KGD4: variants seen among roughly 807,000 people sequenced by gnomAD.
The protein encoded by KGD4 is alpha-ketoglutarate dehydrogenase component 4.
At chr5:69,221,820 C>G in the KGD4 span, among the ~76,000 whole-genome samples, 1 of 151,474 alleles carries the variant, frequency 6.6e-6, no homozygotes, top group Non-Finnish European at 1.5e-5. Flanking sequence ...AAAAGGCAAG[C>G]CACATATTGG....
the KGD4 span, among the ~76,000 whole-genome samples, chr5:69,223,300 C>T: frequency 1.8e-4 from 27 of 147,710 alleles, no homozygotes; most frequent in African/African-American, 6.5e-4. Context: ...AGAATGGTCT[C>T]GATCTCCTGA....
chr5:69,220,625 G>A, the KGD4 span, among the ~76,000 whole-genome samples: 4 of 151,938 alleles, frequency 2.6e-5, no homozygotes, highest in African/African-American at 7.3e-5. Flanking sequence ...CTGCCTGGCC[G>A]CAGTGCAATC....
chr5:69,228,696 T>C, the KGD4 span, among the ~76,000 whole-genome samples: 1 of 151,920 alleles, frequency 6.6e-6, no homozygotes, highest in African/African-American at 2.4e-5. Flanking sequence ...CAACCTTGAG[T>C]CCCTTCCAGG....
At chr5:69,227,083 G>C in the KGD4 span, among the ~76,000 whole-genome samples, 1 of 152,036 alleles carries the variant, frequency 6.6e-6, no homozygotes, top group African/African-American at 2.4e-5. Context: ...TGTTGCCTAG[G>C]CTGGTCTCGA....
At chr5:69,220,582 G>A in the KGD4 span, among the ~76,000 whole-genome samples, 1 of 151,692 alleles carries the variant, frequency 6.6e-6, no homozygotes, top group African/African-American at 2.4e-5. Flanking sequence ...CCTCTGCCCG[G>A]CCGCCACCCC....
chr5:69,224,596 C>CA, the KGD4 span, among the ~76,000 whole-genome samples: 1 of 151,866 alleles, frequency 6.6e-6, no homozygotes, highest in Non-Finnish European at 1.5e-5. Flanking sequence ...AAATAACACT[C>CA]AAAACAAGTC....
chr5:69,226,541 G>T, the KGD4 span: 4 of 612,662 alleles, frequency 6.5e-6, no homozygotes, highest in South Asian at 9.9e-5. Flanking sequence ...GCCTTATGTA[G>T]CATGCAAGTA....
the KGD4 span, among the ~76,000 whole-genome samples, chr5:69,222,372 C>T: frequency 6.6e-6 from 1 of 151,976 alleles, no homozygotes; most frequent in Non-Finnish European, 1.5e-5. Flanking sequence ...AGGACGTAAG[C>T]TGTAGATGGA....
the KGD4 span, among the ~76,000 whole-genome samples, chr5:69,220,534 G>A: frequency 9.9e-5 from 15 of 151,594 alleles, no homozygotes; most frequent in African/African-American, 2.9e-4. Context: ...AGTGAGGAGC[G>A]CCTCTGCCCG....
At chr5:69,223,699 A>G in the KGD4 span, among the ~76,000 whole-genome samples, 1 of 152,168 alleles carries the variant, frequency 6.6e-6, no homozygotes, top group African/African-American at 2.4e-5. Flanking sequence ...CTGTACCACT[A>G]TCTGGAATTT....
the KGD4 span, among the ~76,000 whole-genome samples, chr5:69,222,889 C>T: frequency 6.6e-6 from 1 of 151,088 alleles, no homozygotes; most frequent in Non-Finnish European, 1.5e-5. Context: ...CAATTTTCTG[C>T]CTTAGCCTCC....
chr5:69,226,015 G>A, the KGD4 span, among the ~76,000 whole-genome samples: 6 of 152,336 alleles, frequency 3.9e-5, no homozygotes, highest in East Asian at 1.2e-3. Flanking sequence ...ACAGGCATAA[G>A]CCACTGCACC....
At chr5:69,222,176 A>AGG in the KGD4 span, among the ~76,000 whole-genome samples, 1 of 151,978 alleles carries the variant, frequency 6.6e-6, no homozygotes, top group Non-Finnish European at 1.5e-5. Context: ...CCAGGAGCTT[A>AGG]GTGCTCTTCT....
the KGD4 span, among the ~76,000 whole-genome samples, chr5:69,228,860 C>G: frequency 6.6e-6 from 1 of 151,654 alleles, no homozygotes; most frequent in Non-Finnish European, 1.5e-5. Flanking sequence ...ACTGAAAATA[C>G]AAAAATTAGC....
the KGD4 span, among the ~76,000 whole-genome samples, chr5:69,229,055 T>C: frequency 2.2e-5 from 3 of 138,476 alleles, no homozygotes. Context: ...AAAGAATTGA[T>C]ATGAGTACCC....
At chr5:69,229,121 G>C in the KGD4 span, 4 of 1,115,192 alleles carry the variant, frequency 3.6e-6, no homozygotes, top group Non-Finnish European at 5.4e-6. Flanking sequence ...ACTTACTGAA[G>C]ATTGTATAAA....
the KGD4 span, among the ~76,000 whole-genome samples, chr5:69,219,463 G>A: frequency 1.4e-4 from 21 of 152,238 alleles, 1 homozygote; most frequent in East Asian, 2.3e-3. Flanking sequence ...CTCTATTTCT[G>A]ATAGCCCCCA....
chr5:69,229,126 T>C, the KGD4 span: 1 of 1,216,436 alleles, frequency 8.2e-7, no homozygotes. Context: ...CTGAAGATTG[T>C]ATAAATTTGT....
the KGD4 span, chr5:69,218,079 G>T: frequency 1.4e-6 from 1 of 709,486 alleles, no homozygotes; most frequent in Non-Finnish European, 2.3e-6. Flanking sequence ...CCGAGGGTTC[G>T]AGCCTTGCGG....
Sources: allele counts gnomAD v4.1 joint callset (sites outside exome capture counted in the v4.1 genomes callset), GRCh38; gene constraint gnomAD v4.1.1; transcripts MANE v1.5; gene names NCBI Gene and HGNC (gene_info 2026-07-23, HGNC 2026-07-21).